The following NYAP2 variants were observed in gnomAD, a reference collection of about 807,000 sequenced individuals.
The protein encoded by NYAP2 is neuronal tyrosine-phosphorylated phosphoinositide-3-kinase adaptor 2, also known as neuronal tyrosine-phosphorylated phosphoinositide-3-kinase adapter 2.
Under a neutral mutation model 50.4 loss-of-function variants are expected in NYAP2, and 23 were observed. The observed-to-expected ratio is 0.46, with a 90% CI of 0.33 to 0.65. The LOEUF is 0.65. Ranked by LOEUF, NYAP2 falls within the 30% of genes least tolerant of loss-of-function variation. The pLI, the probability that NYAP2 is intolerant of heterozygous loss-of-function variation, is 0.02. For synonymous variants in NYAP2, 394 were observed against 365.2 expected, an observed-to-expected ratio of 1.08 and a Z score of -0.90; for missense variants, 885 against 861.0, an observed-to-expected ratio of 1.03 and a Z score of -0.35.
chr2:225,628,271 G>A (rs994851774), intron 6 of NYAP2, among the ~76,000 whole-genome samples: 3 of 150,932 alleles, frequency 2.0e-5, no homozygotes, highest in Non-Finnish European at 4.4e-5. Flanking sequence ...ATTGCTATAG[G>A]TGTGCATTTT....
intron 3 of NYAP2, among the ~76,000 whole-genome samples, chr2:225,449,931 G>A (rs752232932): frequency 1.4e-4 from 21 of 151,960 alleles, no homozygotes; most frequent in Non-Finnish European, 2.5e-4. Context: ...AGCCATACAC[G>A]AGATAGCTCC....
intron 4 of NYAP2, among the ~76,000 whole-genome samples, chr2:225,575,372 G>A (rs1040901639): frequency 6.6e-6 from 1 of 152,096 alleles, no homozygotes; most frequent in African/African-American, 2.4e-5. Context: ...ATGTATAACT[G>A]CATAATTTAG....
intron 6 of NYAP2, among the ~76,000 whole-genome samples, chr2:225,640,672 G>T (rs562233055): frequency 6.6e-6 from 1 of 152,224 alleles, no homozygotes; most frequent in East Asian, 1.9e-4. Context: ...GATATTAACT[G>T]ATGTGTGTGT....
chr2:225,403,914 T>G (rs1694900523), intron 2 of NYAP2, among the ~76,000 whole-genome samples: 1 of 151,864 alleles, frequency 6.6e-6, no homozygotes, highest in African/African-American at 2.4e-5. Flanking sequence ...ATGTATGAAA[T>G]TACACTCATG....
At chr2:225,553,879 A>G (rs1008447282) in intron 4 of NYAP2, among the ~76,000 whole-genome samples, 8 of 152,118 alleles carry the variant, frequency 5.3e-5, no homozygotes, top group Non-Finnish European at 1.0e-4. Context: ...TCTACTAAAA[A>G]TACAAAAGTT....
intron 3 of NYAP2, among the ~76,000 whole-genome samples, chr2:225,485,535 T>G (rs1314526224): frequency 5.9e-5 from 9 of 152,164 alleles, no homozygotes; most frequent in African/African-American, 2.2e-4. Flanking sequence ...AGACTCTGGC[T>G]TTATGTTATT....
intron 4 of NYAP2, among the ~76,000 whole-genome samples, chr2:225,520,756 G>A (rs1366656727): frequency 6.6e-6 from 1 of 152,128 alleles, no homozygotes; most frequent in East Asian, 1.9e-4. Context: ...GGCGATGCCG[G>A]CTCTTTTTTG....
At chr2:225,400,924 C>T (rs533823427) in exon 2 of NYAP2, 6 of 152,570 alleles carry the variant, frequency 3.9e-5, no homozygotes, top group Non-Finnish European at 7.4e-5. Flanking sequence ...AAGTCTATTT[C>T]TTATGGTGCT....
intron 4 of NYAP2, among the ~76,000 whole-genome samples, chr2:225,556,791 C>A (rs1280208555): frequency 1.3e-5 from 2 of 152,158 alleles, no homozygotes; most frequent in Non-Finnish European, 1.5e-5. Flanking sequence ...CATGATCAAG[C>A]TTTCCTGTAG....
At chr2:225,609,840 A>T (rs908835031) in intron 5 of NYAP2, among the ~76,000 whole-genome samples, 3 of 152,182 alleles carry the variant, frequency 2.0e-5, no homozygotes, top group African/African-American at 7.2e-5. Context: ...ATGTGGCATG[A>T]TATCCACACT....
chr2:225,513,783 C>T (rs1390093592), intron 4 of NYAP2, 111 bp downstream of exon 4: 2 of 745,188 alleles, frequency 2.7e-6, no homozygotes, highest in East Asian at 6.6e-5. Context: ...TCCTGCCTCT[C>T]ACCCTGAAGT....
At chr2:225,639,517 T>C (rs1458590790) in intron 6 of NYAP2, among the ~76,000 whole-genome samples, 1 of 152,056 alleles carries the variant, frequency 6.6e-6, no homozygotes, top group Non-Finnish European at 1.5e-5. Flanking sequence ...AGAAATCAAG[T>C]CAATTGCCCA....
In NYAP2 at chr2:225,582,315, A is replaced by G. The variant is rs1692292027; in HGVS notation, c.898A>G (p.Thr300Ala). Residue 300 changes from threonine to alanine, a missense_variant, in exon 5 of 7, where the codon ACG becomes GCG. Transcript: ENST00000636099. The surrounding 1 kb of genome is among the most constrained non-coding windows in gnomAD (Gnocchi z 7.0). ...CTGTTCTTCGCAGTGTGCTACTCCC[A>G]CGGTGCCTGACTTGGACTTCGCCAA... is the stretch of plus-strand genomic sequence containing the variant. The G allele has an allele frequency of 1.2e-6, 2 of 1,613,856 alleles. No individual in the cohort carries two copies. Among genetic ancestry groups the G allele is most frequent in the Admixed American group, 1.7e-5 (1 of 60,000 alleles).
chr2:225,679,744 C>T, the NYAP2 span, among the ~76,000 whole-genome samples: 2 of 151,990 alleles, frequency 1.3e-5, no homozygotes, highest in African/African-American at 4.8e-5. Flanking sequence ...CTGCCTGCCT[C>T]GGCCTCCCAA....
intron 3 of NYAP2, among the ~76,000 whole-genome samples, chr2:225,417,922 G>A (rs760274676): frequency 5.9e-5 from 9 of 152,068 alleles, no homozygotes; most frequent in African/African-American, 2.2e-4. Context: ...GTTACAATCT[G>A]GTAGGGGGTT....
intron 3 of NYAP2, among the ~76,000 whole-genome samples, chr2:225,440,156 C>A (rs1049181249): frequency 6.6e-6 from 1 of 152,164 alleles, no homozygotes; most frequent in African/African-American, 2.4e-5. Flanking sequence ...GGACACAGAG[C>A]AAAACCTTAT....
intron 4 of NYAP2, among the ~76,000 whole-genome samples, chr2:225,518,023 T>G (rs1044375920): frequency 4.6e-5 from 7 of 152,128 alleles, no homozygotes; most frequent in African/African-American, 1.7e-4. Context: ...TACTCTCATG[T>G]TTATTACAGC....
chr2:225,460,980 G>A (rs781390603), intron 3 of NYAP2, among the ~76,000 whole-genome samples: 13 of 127,598 alleles, frequency 1.0e-4, no homozygotes, highest in Non-Finnish European at 1.9e-4. Context: ...GCGACAGAGC[G>A]AGACTCTGTC....
rs1291031335 is a variant in NYAP2 at position 225,582,646 on chromosome 2, T to C, written c.1229T>C (p.Leu410Pro). The change falls in exon 5 of 7, where the codon CTC (leucine) becomes CCC (proline). Residue 410 changes from leucine (L) to proline (P), a missense_variant. Physicochemically the swap from Leu to Pro is moderately conservative, Grantham distance 98 (BLOSUM62 -3). Coordinates refer to ENST00000636099, the Ensembl canonical transcript of NYAP2. The surrounding 1 kb of genome is among the most constrained non-coding windows in gnomAD (Gnocchi z 7.0). ...GGACCTGCCTCTGCCACCCCTGCGC[T>C]CTCCTCGTCGCCCCCACCCCCGTCT... The C allele has an allele frequency of 6.3e-7, 1 of 1,595,242 alleles. No individual in the cohort carries two copies. Among genetic ancestry groups the C allele is most frequent in the Non-Finnish European group, 8.5e-7 (1 of 1,171,370 alleles).
Sources: gnomAD v4.1 joint callset for allele counts (sites outside exome capture counted in the v4.1 genomes callset) on GRCh38, gnomAD v4.1.1 for gene constraint, Gnocchi (gnomAD v3.1) non-coding constraint, MANE v1.5 for transcripts, NCBI Gene and HGNC (gene_info 2026-07-23, HGNC 2026-07-21) for gene names.